ZNRF1: variants seen among roughly 807,000 people sequenced by gnomAD.
ZNRF1 encodes E3 ubiquitin-protein ligase ZNRF1.
A neutral mutation model predicts 18.4 loss-of-function variants in ZNRF1; 3 were observed. The observed-to-expected ratio is 0.16, with a 90% CI of 0.07 to 0.42. ZNRF1 has a LOEUF of 0.42. Ranked by LOEUF, ZNRF1 falls within the 10% of genes least tolerant of loss-of-function variation. The pLI is 0.99. For synonymous variants in ZNRF1, 157 were observed against 144.2 expected (o/e 1.09, Z -0.64); for missense variants, 310 against 329.8 (o/e 0.94, Z 0.47).
At chr16:75,019,422 T>G (rs2035115430) in intron 1 of ZNRF1, among the ~76,000 whole-genome samples, 1 of 152,100 alleles carries the variant, frequency 6.6e-6, no homozygotes, top group Non-Finnish European at 1.5e-5. Flanking sequence ...ATTTTCAAAT[T>G]TTTTTTAAGT....
At position 75,050,870 on chromosome 16, in the gene ZNRF1, CAA is replaced by C. The variant is rs1165011147; in HGVS notation, c.425-42685_425-42684del. Among the ~76,000 whole-genome samples, 10 of 9,234 alleles carry C rather than the reference CAA, an allele frequency of 1.1e-3. 1 individual carries two copies. Among genetic ancestry groups the C allele is most frequent in the Non-Finnish European group, 2.2e-3 (6 of 2,708 alleles). 6.1% of individuals were successfully genotyped at this position (9,234 alleles called of 152,430 possible). On this transcript the variant is annotated intron_variant, in intron 1 of 4. Coordinates refer to ENST00000335325, the MANE Select transcript of ZNRF1 (RefSeq NM_032268.5). Reference sequence around the variant, plus strand: ...TGGGCGACAGAGCAAGACTCCGTCTCAAAAAAAAAAAAAAAAAACAAAAAAAA... The same window carrying C: ...TGGGCGACAGAGCAAGACTCCGTCTCAAAAAAAAAAAAAAAACAAAAAAAA...
intron 1 of ZNRF1, among the ~76,000 whole-genome samples, chr16:75,040,598 GTTTTTTTTTTTTT>G (rs61513153): frequency 2.2e-5 from 1 of 46,356 alleles, no homozygotes; most frequent in Non-Finnish European, 3.8e-5. Flanking sequence ...TTTTTTGTGG[GTTTTTTTTTTTTT>G]TTTTTTTTTT....
At chr16:75,071,097 T>TC (rs1597894449) in intron 1 of ZNRF1, among the ~76,000 whole-genome samples, 2 of 40,344 alleles carry the variant, frequency 5.0e-5, no homozygotes, top group African/African-American at 1.1e-4. Flanking sequence ...GGCACAGGTG[T>TC]CTTTTTTTTT....
intron 1 of ZNRF1, among the ~76,000 whole-genome samples, chr16:75,030,710 C>T (rs2035290547): frequency 1.3e-5 from 2 of 152,076 alleles, no homozygotes; most frequent in African/African-American, 2.4e-5. Context: ...TGTAAACTTG[C>T]CTATTCTGGA....
At chr16:75,048,324 T>G (rs1467176476) in intron 1 of ZNRF1, among the ~76,000 whole-genome samples, 1 of 152,180 alleles carries the variant, frequency 6.6e-6, no homozygotes, top group African/African-American at 2.4e-5. Context: ...TTTACTTAAT[T>G]ACTTCTTTAC....
At chr16:75,105,103 G>C in intron 3 of ZNRF1, 1 of 489,800 alleles carries the variant, frequency 2.0e-6, no homozygotes, top group Non-Finnish European at 3.8e-6. Flanking sequence ...GTTGCCAGAG[G>C]TGTGCTCTGG....
chr16:75,022,090 TG>T (rs750663420), intron 1 of ZNRF1, among the ~76,000 whole-genome samples: 11 of 152,156 alleles, frequency 7.2e-5, no homozygotes, highest in Non-Finnish European at 2.9e-5. Flanking sequence ...CGTCTCGCTC[TG>T]TTGCTCACGC....
chr16:75,071,720 G>T (rs1035465011), intron 1 of ZNRF1, among the ~76,000 whole-genome samples: 7 of 152,124 alleles, frequency 4.6e-5, no homozygotes, highest in African/African-American at 1.7e-4. Context: ...AAATAGTCCT[G>T]GGGCTGTTTG....
chr16:75,069,450 A>G (rs532014331), intron 1 of ZNRF1, among the ~76,000 whole-genome samples: 98 of 152,078 alleles, frequency 6.4e-4, no homozygotes, highest in Admixed American at 2.4e-3. Flanking sequence ...GTCTTGCTCT[A>G]TTGCCCAGGC....
intron 1 of ZNRF1, among the ~76,000 whole-genome samples, chr16:75,000,990 T>G (rs1261267541): frequency 6.6e-6 from 1 of 152,174 alleles, no homozygotes; most frequent in Non-Finnish European, 1.5e-5. Flanking sequence ...TTTCCCAGGC[T>G]CCTAGCGGGA....
intron 1 of ZNRF1, among the ~76,000 whole-genome samples, chr16:75,019,520 A>C (rs1289720822): frequency 6.6e-6 from 1 of 152,170 alleles, no homozygotes; most frequent in Non-Finnish European, 1.5e-5. Flanking sequence ...TTTGTGGCAT[A>C]CTACACAGTC....
chr16:75,096,147 C>T (rs2036198233), intron 2 of ZNRF1, among the ~76,000 whole-genome samples: 1 of 150,572 alleles, frequency 6.6e-6, no homozygotes, highest in African/African-American at 2.5e-5. Context: ...AAAAGCCAGT[C>T]CTTTACCACT....
At chr16:75,026,902 CAA>C (rs778668725) in intron 1 of ZNRF1, among the ~76,000 whole-genome samples, 2 of 132,352 alleles carry the variant, frequency 1.5e-5, no homozygotes, top group Non-Finnish European at 3.2e-5. Context: ...GAGACTGTCT[CAA>C]AAAAAAAAAG....
At chr16:75,051,826 T>C (rs375320037) in intron 1 of ZNRF1, among the ~76,000 whole-genome samples, 10 of 152,254 alleles carry the variant, frequency 6.6e-5, no homozygotes, top group African/African-American at 2.4e-4. Context: ...CATCTTTTTT[T>C]AAACTATGTT....
intron 1 of ZNRF1, 150 bp downstream of exon 1, chr16:75,000,245 C>A: frequency 8.8e-7 from 1 of 1,139,310 alleles, no homozygotes; most frequent in Non-Finnish European, 1.3e-6. Context: ...AAATGGGATA[C>A]CTACCGTCTG....
intron 2 of ZNRF1, chr16:75,095,673 C>T (rs998458462): frequency 1.3e-5 from 20 of 1,549,836 alleles, no homozygotes; most frequent in East Asian, 2.4e-5. Flanking sequence ...CAAGAGCAGC[C>T]GTGGAGGACA....
intron 1 of ZNRF1, among the ~76,000 whole-genome samples, chr16:75,019,995 G>A (rs1423074102): frequency 6.6e-6 from 1 of 152,230 alleles, no homozygotes. Context: ...ACAGGTGTGA[G>A]CCACCGCGCC....
intron 1 of ZNRF1, among the ~76,000 whole-genome samples, chr16:75,091,757 A>C (rs1464056928): frequency 6.6e-6 from 1 of 151,606 alleles, no homozygotes; most frequent in Non-Finnish European, 1.5e-5. Context: ...GGCTGGTCTC[A>C]AACTCCTGAG....
intron 2 of ZNRF1, among the ~76,000 whole-genome samples, chr16:75,101,227 C>T (rs1309566026): frequency 1.3e-5 from 2 of 152,244 alleles, no homozygotes; most frequent in Admixed American, 1.3e-4. Flanking sequence ...AGCCACTGCA[C>T]CCAGTGTACG....
Sources: allele counts gnomAD v4.1 joint callset (sites outside exome capture counted in the v4.1 genomes callset), GRCh38; gene constraint gnomAD v4.1.1; transcripts MANE v1.5; gene names NCBI Gene and HGNC (gene_info 2026-07-23, HGNC 2026-07-21).